Variants in NRG3 observed in about 807,000 individuals in gnomAD.
The protein encoded by NRG3 is neuregulin 3.
NRG3 carries 31 observed loss-of-function variants against 66.9 expected under a neutral mutation model. The observed-to-expected ratio is 0.46, with a 90% confidence interval of 0.35 to 0.63. The LOEUF (loss-of-function observed/expected upper bound fraction) is 0.63. Ranked by LOEUF, NRG3 falls within the 20% of genes least tolerant of loss-of-function variation. The pLI is 0.00. For synonymous variants in NRG3, 393 were observed against 359.4 expected, an observed-to-expected ratio of 1.09 and a Z score of -1.06; for missense variants, 910 against 878.9, an observed-to-expected ratio of 1.04 and a Z score of -0.45.
intron 1 of NRG3, among the ~76,000 whole-genome samples, chr10:82,177,722 C>T (rs916264894): frequency 4.6e-5 from 7 of 152,096 alleles, no homozygotes; most frequent in Non-Finnish European, 7.4e-5. Flanking sequence ...CACAGGCGTG[C>T]GCCACCACAT....
At chr10:82,312,783 T>C (rs2081098151) in intron 1 of NRG3, among the ~76,000 whole-genome samples, 1 of 152,190 alleles carries the variant, frequency 6.6e-6, no homozygotes, top group African/African-American at 2.4e-5. Flanking sequence ...CTTTCTTTTT[T>C]TTTTCTATTT....
At chr10:82,719,728 T>C (rs1401023420) in intron 2 of NRG3, among the ~76,000 whole-genome samples, 2 of 152,234 alleles carry the variant, frequency 1.3e-5, no homozygotes, top group Non-Finnish European at 2.9e-5. Context: ...AATGGCTTCA[T>C]GCTGTTGCCA....
intron 2 of NRG3, among the ~76,000 whole-genome samples, chr10:82,555,191 G>T (rs1438369305): frequency 6.6e-6 from 1 of 152,100 alleles, no homozygotes; most frequent in East Asian, 1.9e-4. Context: ...TTTTTCTATA[G>T]ATTAACCTTA....
At chr10:81,993,527 T>G (rs879755912) in intron 1 of NRG3, among the ~76,000 whole-genome samples, 1 of 151,996 alleles carries the variant, frequency 6.6e-6, no homozygotes, top group Non-Finnish European at 1.5e-5. Context: ...AATTTTTTTT[T>G]GTAGAGATGG....
intron 1 of NRG3, among the ~76,000 whole-genome samples, chr10:82,299,533 G>A (rs968637928): frequency 3.4e-5 from 5 of 145,828 alleles, no homozygotes; most frequent in African/African-American, 1.4e-4. Flanking sequence ...GTGGACCAGG[G>A]CTCCAATCCA....
At chr10:82,611,946 T>C (rs1162238035) in intron 2 of NRG3, among the ~76,000 whole-genome samples, 1 of 152,214 alleles carries the variant, frequency 6.6e-6, no homozygotes, top group Non-Finnish European at 1.5e-5. Context: ...TCTGACTTTT[T>C]AACGATCAAC....
At chr10:82,185,906 A>G (rs1460253278) in intron 1 of NRG3, among the ~76,000 whole-genome samples, 2 of 152,188 alleles carry the variant, frequency 1.3e-5, no homozygotes, top group Non-Finnish European at 2.9e-5. Context: ...ACCCACTATT[A>G]TCACCTAGTC....
intron 3 of NRG3, among the ~76,000 whole-genome samples, chr10:82,795,176 A>G (rs372396785): frequency 5.3e-4 from 81 of 152,340 alleles, no homozygotes; most frequent in African/African-American, 1.8e-3. Context: ...AGAAAGCAGT[A>G]TTTTTTATAA....
chr10:82,610,148 G>A (rs147755420), intron 2 of NRG3, among the ~76,000 whole-genome samples: 6 of 152,234 alleles, frequency 3.9e-5, no homozygotes, highest in African/African-American at 1.4e-4. Flanking sequence ...CAGCCCCTCT[G>A]TCTCCAAACC....
intron 4 of NRG3, among the ~76,000 whole-genome samples, chr10:82,868,987 C>A (rs944707924): frequency 5.3e-5 from 8 of 152,100 alleles, no homozygotes; most frequent in African/African-American, 1.7e-4. Context: ...CCACCACACC[C>A]GGCTAGATTT....
At chr10:82,798,125 T>C (rs1400120529) in intron 3 of NRG3, among the ~76,000 whole-genome samples, 1 of 152,172 alleles carries the variant, frequency 6.6e-6, no homozygotes, top group Non-Finnish European at 1.5e-5. Context: ...AACACTGTTT[T>C]CCTCTTACTC....
intron 2 of NRG3, among the ~76,000 whole-genome samples, chr10:82,559,565 CA>C (rs1280752489): frequency 3.9e-5 from 6 of 152,156 alleles, no homozygotes; most frequent in African/African-American, 1.4e-4. Flanking sequence ...CCCAGAAGGA[CA>C]GCAGCTGGTA....
chr10:82,001,775 G>A (rs2061178042), intron 1 of NRG3, among the ~76,000 whole-genome samples: 1 of 152,166 alleles, frequency 6.6e-6, no homozygotes, highest in African/African-American at 2.4e-5. Context: ...TGTATTTCCA[G>A]TTAACTGAAA....
chr10:82,231,589 G>T (rs1306273227), intron 1 of NRG3, among the ~76,000 whole-genome samples: 1 of 151,990 alleles, frequency 6.6e-6, no homozygotes, highest in African/African-American at 2.4e-5. Flanking sequence ...TAATAAGAAA[G>T]TTATTTCCAC....
At chr10:82,973,214 T>C (rs1218975198) in intron 6 of NRG3, among the ~76,000 whole-genome samples, 1 of 152,200 alleles carries the variant, frequency 6.6e-6, no homozygotes, top group African/African-American at 2.4e-5. Flanking sequence ...TATAAGCTAT[T>C]ATAGTCAAAG....
At chr10:82,201,767 T>A (rs2074840365) in intron 1 of NRG3, among the ~76,000 whole-genome samples, 1 of 147,176 alleles carries the variant, frequency 6.8e-6, no homozygotes, top group African/African-American at 2.7e-5. Flanking sequence ...CTTTCAGCAA[T>A]TTTTTCTGTA....
rs930104303 is a variant in NRG3, at chr10:82,544,106, G to T, written c.953+185238G>T. Among the ~76,000 whole-genome samples the T allele has an allele frequency of 2.6e-5, 4 of 152,126 alleles. No homozygotes were observed. The South Asian group carries it at 8.3e-4, about 31-fold the overall frequency. Reference sequence around the variant, plus strand: ...TCCCTAAAATGGGCACAACTTCCTGGCCTGTAATTTCATTAGGTGGTTTAA... The same window carrying T: ...TCCCTAAAATGGGCACAACTTCCTGTCCTGTAATTTCATTAGGTGGTTTAA... On this transcript the variant is annotated intron_variant, in intron 2 of 8. Transcript: ENST00000372141.
chr10:82,693,783 C>T (rs549461840), intron 2 of NRG3, among the ~76,000 whole-genome samples: 1 of 152,034 alleles, frequency 6.6e-6, no homozygotes, highest in African/African-American at 2.4e-5. Flanking sequence ...AACTTTGAAT[C>T]GAGTGTTACA....
chr10:82,737,682 A>G (rs1283301762), intron 2 of NRG3, among the ~76,000 whole-genome samples: 1 of 152,134 alleles, frequency 6.6e-6, no homozygotes, highest in African/African-American at 2.4e-5. Context: ...CCCACTTAAC[A>G]AGGCTGTTCA....
Sources: gnomAD v4.1 joint callset for allele counts (sites outside exome capture counted in the v4.1 genomes callset) on GRCh38, gnomAD v4.1.1 for gene constraint, MANE v1.5 for transcripts, NCBI Gene and HGNC (gene_info 2026-07-23, HGNC 2026-07-21) for gene names.